Variants in CDC25C observed in about 807,000 individuals in gnomAD.
CDC25C encodes the protein cell division cycle 25C.
Under a neutral mutation model 52.5 loss-of-function variants are expected in CDC25C, and 48 were observed. That is an observed-to-expected ratio of 0.91 (90% confidence interval 0.72 to 1.16). The LOEUF (loss-of-function observed/expected upper bound fraction) is 1.16, where lower values mean the gene tolerates loss of function less well. Ranked by LOEUF, CDC25C falls within the 50% of genes most tolerant of loss-of-function variation. CDC25C has a pLI of 0.00. For synonymous variants in CDC25C, 187 were observed against 206.5 expected (o/e 0.91, Z 0.81); for missense variants, 510 against 566.1 (o/e 0.90, Z 1.01).
intron 2 of CDC25C, 76 bp from the exon 3 acceptor site, chr5:138,329,723 CTTCTT>C (rs1760191646): frequency 1.2e-5 from 6 of 488,562 alleles, no homozygotes; most frequent in Admixed American, 4.0e-5. Flanking sequence ...ATGTCATCCT[CTTCTT>C]TTTTTTTTTT....
Position 138,292,062 on chromosome 5 carries a change from G to T in CDC25C, c.670C>A (p.Pro224Thr), listed in dbSNP as rs1292707775. Residue 224 changes from proline to threonine, a missense_variant, in exon 8 of 14, where the codon CCA becomes ACA. Pro to Thr is a conservative substitution (Grantham distance 38). Transcript: ENST00000323760. The stretch of plus-strand genomic sequence containing the variant: ...AATTTTTCCACCTGCTTCAGTCTTG[G>T]CCTGTTCAAGTTCTCTGGCATCGAC... Reference protein sequence around the residue: ...SPSMPENLNRPRLKQVEKFKD... With the variant: ...SPSMPENLNRTRLKQVEKFKD... 1.2e-6 allele frequency: 2 copies of T among 1,613,062 alleles called. No individual in the cohort carries two copies. Among genetic ancestry groups the T allele is most frequent in the Non-Finnish European group, 1.7e-6 (2 of 1,179,510 alleles).
rs70982704 is a variant in CDC25C, at chr5:138,299,495, CAA to C, written c.616-7381_616-7380del. Among the ~76,000 whole-genome samples the C allele has an allele frequency of 3.4e-3, 304 of 90,526 alleles. 2 individuals are homozygous for C. The highest frequency in any genetic ancestry group is 4.5e-3 in the Non-Finnish European group (200 of 44,638). The allele number at this position is 90,526 out of a possible 152,430, so 59.4% of individuals were successfully genotyped here. ...TGGGGGACAGAGCAAGACTCCGTCT[CAA>C]AAAAAAAAAAAAAAAGAAAGAAAAG... On this transcript the variant is annotated intron_variant, in intron 7 of 13. Coordinates refer to ENST00000323760, the MANE Select transcript of CDC25C (RefSeq NM_001790.5).
exon 1 of CDC25C, chr5:138,338,291 G>T (rs1330895657): frequency 1.3e-6 from 1 of 744,906 alleles, no homozygotes; most frequent in Non-Finnish European, 2.0e-6. Flanking sequence ...GCGGCCCTGG[G>T]AGCTGGAGGA....
chr5:138,300,315 G>A (rs754761836), intron 7 of CDC25C, among the ~76,000 whole-genome samples: 1 of 152,166 alleles, frequency 6.6e-6, no homozygotes, highest in East Asian at 1.9e-4. Context: ...ACTCATCTCT[G>A]CACGTTGTGA....
chr5:138,301,597 T>C lies in CDC25C; in HGVS notation c.616-9481A>G, dbSNP rs1426989074. Among the ~76,000 whole-genome samples the C allele has an allele frequency of 2.6e-5, 4 of 151,020 alleles. No homozygotes were observed. In the Admixed American group the frequency reaches 2.7e-4, roughly 10 times the overall value. On this transcript the variant is annotated intron_variant, in intron 7 of 13. Coordinates refer to ENST00000323760, the MANE Select transcript of CDC25C (RefSeq NM_001790.5). The stretch of plus-strand genomic sequence containing the variant: ...AGGGAATTATTTGCAAATCATTTCA[T>C]GATGCTAGCATTACACTGATACCAA...
At chr5:138,317,014 G>A (rs545477081) in intron 7 of CDC25C, among the ~76,000 whole-genome samples, 2 of 152,178 alleles carry the variant, frequency 1.3e-5, no homozygotes, top group African/African-American at 2.4e-5. Context: ...TAAAGATCCC[G>A]CAACAAAGGC....
At chr5:138,313,188 C>T (rs773619848) in intron 7 of CDC25C, among the ~76,000 whole-genome samples, 6 of 151,610 alleles carry the variant, frequency 4.0e-5, no homozygotes, top group Non-Finnish European at 7.4e-5. Flanking sequence ...CCAGCCTGGC[C>T]AACATGGTGA....
At position 138,292,497 on chromosome 5, in the gene CDC25C, A is replaced by C. The variant is rs1021903779; in HGVS notation, c.616-381T>G. Among the ~76,000 whole-genome samples, 35 of 151,698 alleles carry C rather than the reference A, an allele frequency of 2.3e-4. 1 individual carries two copies. Among genetic ancestry groups the C allele is most frequent in the African/African-American group, 8.0e-4 (33 of 41,366 alleles). Reference sequence around the variant, plus strand: ...TATGTGACCAAAAAAAAAAAAAAAAAAAAAAACATAAGTCCATTTTGTCTC... The same window carrying C: ...TATGTGACCAAAAAAAAAAAAAAAACAAAAAACATAAGTCCATTTTGTCTC... On this transcript the variant is annotated intron_variant, in intron 7 of 13. Transcript: ENST00000323760.
rs1758249573 is a variant in CDC25C, at chr5:138,309,155, G to A, written c.615+10064C>T. 2.0e-5 allele frequency among the ~76,000 whole-genome samples: 3 copies of A among 151,304 alleles called. No homozygotes were observed. The South Asian group carries it at 6.2e-4, about 31-fold the overall frequency. On this transcript the variant is annotated intron_variant, in intron 7 of 13. Coordinates refer to ENST00000323760, the MANE Select transcript of CDC25C (RefSeq NM_001790.5). ...ATGTCCACTGACAACACTTTGGAGA[G>A]CATGACTTCACAATACTTCCACTAA... is the stretch of plus-strand genomic sequence containing the variant.
chr5:138,331,336 T>G (rs1227648176), intron 1 of CDC25C, 118 bp from the exon 2 acceptor site: 3 of 757,074 alleles, frequency 4.0e-6, no homozygotes, highest in Admixed American at 5.3e-5. Context: ...CGAAGGGTGA[T>G]TCACAGCCTG....
In CDC25C at chr5:138,285,832, C is replaced by T. The variant is rs942203502; in HGVS notation, c.1282G>A (p.Glu428Lys). The T allele has an allele frequency of 6.2e-7, 1 of 1,614,128 alleles. No individual in the cohort carries two copies. The highest frequency in any genetic ancestry group is 8.5e-7 in the Non-Finnish European group (1 of 1,179,996). Residue 428 changes from glutamate (E) to lysine (K), a missense_variant, in exon 14 of 14, where the codon GAA (glutamate) becomes AAA (lysine). Coordinates refer to ENST00000323760, the MANE Select transcript of CDC25C (RefSeq NM_001790.5). ...TGCATAGGGCAGTAGCTCTGTGGTT[C>T]ACACAGTTCCTGAAAGGTAAGGAAC... ...DFFPEYMELC[E>K]PQSYCPMHHQ... is the part of the protein sequence containing the mutation.
chr5:138,294,499 A>ATTTT (rs762737768), intron 7 of CDC25C, among the ~76,000 whole-genome samples: 5 of 95,986 alleles, frequency 5.2e-5, no homozygotes, highest in Non-Finnish European at 8.2e-5. Flanking sequence ...CACTCAGCTA[A>ATTTT]TTTTTTTTTT....
intron 7 of CDC25C, among the ~76,000 whole-genome samples, chr5:138,293,458 T>C (rs760300702): frequency 1.3e-5 from 2 of 151,992 alleles, no homozygotes; most frequent in Non-Finnish European, 2.9e-5. Flanking sequence ...GGAGATATGG[T>C]GAGGCACTGA....
At chr5:138,292,230 C>G in intron 7 of CDC25C, 114 bp from the exon 8 acceptor site, 1 of 766,724 alleles carries the variant, frequency 1.3e-6, no homozygotes, top group Non-Finnish European at 2.1e-6. Context: ...GATGTTAGGC[C>G]ACACCCCAAA....
In CDC25C at chr5:138,329,580, T is replaced by C; in HGVS notation, c.262A>G (p.Thr88Ala). The C allele has an allele frequency of 6.2e-7, 1 of 1,613,108 alleles. No individual in the cohort carries two copies. The highest frequency in any genetic ancestry group is 8.5e-7 in the Non-Finnish European group (1 of 1,179,142). Reference sequence around the variant, plus strand: ...GTTTCATCAAGGTCTGCAGAAGTGGTAAGCTGAGTGGCAGTTATCTCCCCA... The same window carrying C: ...GTTTCATCAAGGTCTGCAGAAGTGGCAAGCTGAGTGGCAGTTATCTCCCCA... ...SSGEITATQL[T>A]TSADLDETGH... is the part of the protein sequence containing the mutation. Residue 88 changes from threonine to alanine, a missense_variant, in exon 3 of 14, where the codon ACC becomes GCC. Thr to Ala is a moderately conservative substitution (Grantham distance 58). Transcript: ENST00000323760.
intron 6 of CDC25C, among the ~76,000 whole-genome samples, chr5:138,321,491 T>C (rs894336960): frequency 1.3e-5 from 2 of 151,946 alleles, no homozygotes; most frequent in African/African-American, 4.8e-5. Context: ...CGGTGGCTCA[T>C]GCCTGTAATC....
intron 7 of CDC25C, among the ~76,000 whole-genome samples, chr5:138,312,258 C>T (rs11567983): frequency 0.3 from 46,030 of 151,984 alleles, 7,759 homozygotes; most frequent in South Asian, 0.45. Context: ...TAATCCCAGT[C>T]ACTTGGGAGG....
intron 4 of CDC25C, 54 bp downstream of exon 4, chr5:138,328,430 T>C: frequency 1.3e-6 from 2 of 1,522,532 alleles, no homozygotes; most frequent in Non-Finnish European, 1.8e-6. Context: ...ATAAAATCTC[T>C]ATGACCAGTG....
intron 7 of CDC25C, among the ~76,000 whole-genome samples, chr5:138,297,753 C>G (rs1757323338): frequency 6.6e-6 from 1 of 152,128 alleles, no homozygotes; most frequent in South Asian, 2.1e-4. Context: ...AATAAATATA[C>G]TCTGTACTTT....
Sources: gnomAD v4.1 joint callset for allele counts (sites outside exome capture counted in the v4.1 genomes callset) on GRCh38, gnomAD v4.1.1 for gene constraint, MANE v1.5 for transcripts, NCBI Gene and HGNC (gene_info 2026-07-23, HGNC 2026-07-21) for gene names.